ADRA1A: variants seen among roughly 807,000 people sequenced by gnomAD.
ADRA1A encodes alpha-1A adrenergic receptor.
A neutral mutation model predicts 29.6 loss-of-function variants in ADRA1A; 31 were observed. The ratio of observed to expected loss-of-function variants is 1.05; its 90% CI spans 0.79 to 1.41. The LOEUF is 1.41. Ranked by LOEUF, ADRA1A falls within the 40% of genes most tolerant of loss-of-function variation. The pLI, the probability that ADRA1A is intolerant of heterozygous loss-of-function variation, is 0.00. For synonymous variants in ADRA1A, 311 were observed against 254.3 expected (o/e 1.22, Z -2.12); for missense variants, 619 against 601.1 (o/e 1.03, Z -0.31).
At chr8:26,851,083 C>A (rs562006648) in intron 2 of ADRA1A, among the ~76,000 whole-genome samples, 1 of 152,026 alleles carries the variant, frequency 6.6e-6, no homozygotes, top group Non-Finnish European at 1.5e-5. Flanking sequence ...AATAGGAGGA[C>A]AATTGGTAAA....
intron 2 of ADRA1A, among the ~76,000 whole-genome samples, chr8:26,824,541 GT>G (rs1434385308): frequency 6.6e-6 from 1 of 152,148 alleles, no homozygotes; most frequent in Non-Finnish European, 1.5e-5. Flanking sequence ...AAATTGATGA[GT>G]TTGGGCTAGA....
chr8:26,864,874 G>A lies in ADRA1A; in HGVS notation c.96C>T (p.Ile32=), dbSNP rs562504142. The change falls in exon 2 of 3, where the codon ATC becomes ATT. Residue 32 remains isoleucine (I), a synonymous_variant. Transcript: ENST00000380573. The surrounding 1 kb of genome is among the most constrained non-coding windows in gnomAD (Gnocchi z 8.1). ...NISKAILLGV[I]LGGLILFGVL... ...CCCCGAAAAGAATGAGGCCCCCCAA[G>A]ATCACCCCGAGCAGAATGGCCTTGG... is the stretch of plus-strand genomic sequence containing the variant. The A allele has an allele frequency of 1.9e-6, 3 of 1,614,114 alleles. No individual in the cohort carries two copies. In the African/African-American group the frequency reaches 4.0e-5, roughly 22 times the overall value.
rs113660367 is a variant in ADRA1A, at chr8:26,750,841, G to A, written c.1270-2093C>T. 7.6e-3 allele frequency among the ~76,000 whole-genome samples: 1,156 copies of A among 152,264 alleles called. 5 individuals carry two copies. The highest frequency in any genetic ancestry group is 0.012 in the Non-Finnish European group (785 of 68,010). ...CCCCAGCACTTTGGGAGGCCAAGGC[G>A]GGCAGATCACCTGAGGTCGGGAGTT... On this transcript the variant is annotated intron_variant, in intron 2 of 2. Transcript: ENST00000380586.
intron 2 of ADRA1A, among the ~76,000 whole-genome samples, chr8:26,808,774 C>G (rs1384377850): frequency 6.6e-6 from 1 of 152,234 alleles, no homozygotes; most frequent in African/African-American, 2.4e-5. Context: ...GTAACAAACA[C>G]ATTGTTTTCT....
At chr8:26,830,749 G>A (rs1303746693) in intron 2 of ADRA1A, among the ~76,000 whole-genome samples, 1 of 152,172 alleles carries the variant, frequency 6.6e-6, no homozygotes, top group Non-Finnish European at 1.5e-5. Flanking sequence ...CTAGGGGAAA[G>A]CATGATTCAA....
chr8:26,808,924 ATTTTTCTG>A (rs1809187777), intron 2 of ADRA1A, among the ~76,000 whole-genome samples: 1 of 152,142 alleles, frequency 6.6e-6, no homozygotes, highest in African/African-American at 2.4e-5. Context: ...GGGTGGGATC[ATTTTTCTG>A]CCATTAGAGG....
rs910597563 is a variant in ADRA1A, at chr8:26,806,011, G to A, written c.884-35345C>T. On this transcript the variant is annotated intron_variant, in intron 2 of 2. Transcript: ENST00000380573. This position sits in a 1 kb window ranked among gnomAD's most constrained non-coding sequence, Gnocchi z 4.6. ...GGTTGTGGCTGGTTCTCCTTTTCTA[G>A]GACATTCCCTGAGGCCACTTGTGGC... 6.6e-6 allele frequency among the ~76,000 whole-genome samples: 1 copy of A among 152,100 alleles called. No individual in the cohort carries two copies. Among genetic ancestry groups the A allele is most frequent in the African/African-American group, 2.4e-5 (1 of 41,410 alleles).
chr8:26,822,822 G>T (rs1810272819), intron 2 of ADRA1A, among the ~76,000 whole-genome samples: 1 of 152,128 alleles, frequency 6.6e-6, no homozygotes, highest in African/African-American at 2.4e-5. Context: ...AATCGTGGTG[G>T]AAGGTGAAGG....
intron 2 of ADRA1A, among the ~76,000 whole-genome samples, chr8:26,824,017 C>T (rs1231629218): frequency 6.6e-6 from 1 of 152,154 alleles, no homozygotes; most frequent in South Asian, 2.1e-4. Flanking sequence ...TTCTCCTCCC[C>T]CTGCCTCTTC....
intron 2 of ADRA1A, among the ~76,000 whole-genome samples, chr8:26,776,163 C>G (rs1015298446): frequency 1.3e-5 from 2 of 152,158 alleles, no homozygotes; most frequent in South Asian, 2.1e-4. Context: ...TTTGATACAC[C>G]GGTGAGTGCT....
chr8:26,867,254 T>A lies in ADRA1A; in HGVS notation c.-1005A>T. The A allele has an allele frequency of 1.0e-6, 1 of 985,456 alleles. No homozygotes were observed. Among genetic ancestry groups the A allele is most frequent in the Middle Eastern group, 5.2e-4 (1 of 1,914 alleles). The allele number at this position is 985,456 out of a possible 1,614,324, so 61.0% of individuals were successfully genotyped here. On this transcript the variant is annotated 5_prime_UTR_variant, in exon 1 of 3. The change creates a new upstream start codon in the 5' untranslated region. Coordinates refer to ENST00000380573, the MANE Select transcript of ADRA1A (RefSeq NM_000680.4). ...ACACCAGAAAAGAATAGCAAGGAACTTTGCAGCTCTCGCTGACGTAACTCA... is the reference window on the plus strand; with the variant it reads ...ACACCAGAAAAGAATAGCAAGGAACATTGCAGCTCTCGCTGACGTAACTCA...
intron 2 of ADRA1A, among the ~76,000 whole-genome samples, chr8:26,801,254 A>G (rs990682304): frequency 4.1e-4 from 63 of 152,316 alleles, no homozygotes; most frequent in African/African-American, 1.5e-3. Flanking sequence ...GTTATTTAAC[A>G]TGGTACTGGG....
At chr8:26,839,027 T>C (rs986589390) in intron 2 of ADRA1A, among the ~76,000 whole-genome samples, 2 of 152,200 alleles carry the variant, frequency 1.3e-5, no homozygotes, top group African/African-American at 2.4e-5. Flanking sequence ...TTTATTTCAA[T>C]AGATATCAAG....
At chr8:26,804,528 T>C (rs530689040) in intron 2 of ADRA1A, among the ~76,000 whole-genome samples, 2 of 152,328 alleles carry the variant, frequency 1.3e-5, no homozygotes, top group East Asian at 3.9e-4. Context: ...TGTAGGAGTC[T>C]AGAAATTGCA....
intron 2 of ADRA1A, among the ~76,000 whole-genome samples, chr8:26,790,471 G>C (rs1360241670): frequency 6.6e-6 from 1 of 152,052 alleles, no homozygotes; most frequent in Non-Finnish European, 1.5e-5. Context: ...GTGGGGAGGG[G>C]GATAGGGAGA....
downstream of ADRA1A, among the ~76,000 whole-genome samples, chr8:26,765,181 T>A (rs1805707810): frequency 6.6e-6 from 1 of 152,114 alleles, no homozygotes; most frequent in South Asian, 2.1e-4. Context: ...AACCTTCCTT[T>A]TAGGTGGGAG....
chr8:26,770,740 CAG>C, intron 2 of ADRA1A, 74 bp from the exon 3 acceptor site: 2 of 1,503,718 alleles, frequency 1.3e-6, no homozygotes, highest in South Asian at 1.4e-5. Flanking sequence ...AACAATCAAA[CAG>C]ACATCTTTCT....
At position 26,841,019 on chromosome 8, in the gene ADRA1A, C is replaced by T. The variant is rs976864018; in HGVS notation, c.883+23068G>A. Among the ~76,000 whole-genome samples, 1 of 152,118 alleles carries T rather than the reference C, an allele frequency of 6.6e-6. No individual in the cohort carries two copies. The highest frequency in any genetic ancestry group is 2.4e-5 in the African/African-American group (1 of 41,422). On this transcript the variant is annotated intron_variant, in intron 2 of 2. Transcript: ENST00000380573. This position sits in a 1 kb window ranked among gnomAD's most constrained non-coding sequence, Gnocchi z 4.4. ...AAGACTACAGAGGACATTAAGGGCACCAGAGGGAACAGGTTCAATTTCTAC... is the reference window on the plus strand; with the variant it reads ...AAGACTACAGAGGACATTAAGGGCATCAGAGGGAACAGGTTCAATTTCTAC...
chr8:26,783,823 T>C (rs1296257662), intron 2 of ADRA1A, among the ~76,000 whole-genome samples: 2 of 152,216 alleles, frequency 1.3e-5, no homozygotes, highest in African/African-American at 2.4e-5. Flanking sequence ...ATGTGGTACA[T>C]ATATACCATT....
Sources: allele counts gnomAD v4.1 joint callset (sites outside exome capture counted in the v4.1 genomes callset), GRCh38; gene constraint gnomAD v4.1.1; non-coding constraint Gnocchi (gnomAD v3.1); transcripts MANE v1.5; gene names NCBI Gene and HGNC (gene_info 2026-07-23, HGNC 2026-07-21).